The following SMOC1 variants were observed in gnomAD, a reference collection of about 807,000 sequenced individuals.
SMOC1 encodes the protein SPARC-related modular calcium-binding protein 1.
Under a neutral mutation model 56.3 loss-of-function variants are expected in SMOC1, and 22 were observed. That is an observed-to-expected ratio of 0.39 (90% CI 0.28 to 0.56). The LOEUF is 0.56. SMOC1 is among the 20% of genes least tolerant of loss of function. SMOC1 has a pLI of 0.61. For missense variants in SMOC1, 509 were observed against 565.4 expected (o/e 0.90, Z 1.01); for synonymous variants, 193 against 215.0 (o/e 0.90, Z 0.89).
At chr14:70,009,853 A>G (rs988423325) in intron 7 of SMOC1, among the ~76,000 whole-genome samples, 3 of 152,148 alleles carry the variant, frequency 2.0e-5, no homozygotes, top group Admixed American at 2.0e-4. Context: ...GAAACCCAAC[A>G]CTATTTATTT....
chr14:69,970,533 TTTG>T (rs1883722217), intron 3 of SMOC1, among the ~76,000 whole-genome samples: 1 of 152,216 alleles, frequency 6.6e-6, no homozygotes, highest in South Asian at 2.1e-4. Context: ...CTATAAAAGA[TTTG>T]CACACAGGGT....
chr14:69,999,245 C>T (rs1206060955), intron 7 of SMOC1, among the ~76,000 whole-genome samples: 1 of 152,076 alleles, frequency 6.6e-6, no homozygotes, highest in Non-Finnish European at 1.5e-5. Context: ...CTTCCTCACC[C>T]AGGAAGTTCC....
At chr14:69,921,128 T>C (rs1456109211) in intron 1 of SMOC1, among the ~76,000 whole-genome samples, 1 of 152,168 alleles carries the variant, frequency 6.6e-6, no homozygotes, top group Non-Finnish European at 1.5e-5. Flanking sequence ...GACTTCCCGC[T>C]GCAGGGCTGG....
rs1798882192 is a variant in SMOC1, at chr14:69,893,258, G to A, written c.99+13481G>A. 2.0e-5 allele frequency among the ~76,000 whole-genome samples: 3 copies of A among 152,196 alleles called. No individual in the cohort carries two copies. In the South Asian group the frequency reaches 6.2e-4, roughly 32 times the overall value. ...ATCTGTGATGTTAGCACCCATTGAT[G>A]ATCATTGCTAGACCTGTTAATTCAC... On this transcript the variant is annotated intron_variant, in intron 1 of 11. Transcript: ENST00000361956.
intron 3 of SMOC1, among the ~76,000 whole-genome samples, chr14:69,960,486 T>TA (rs1883331277): frequency 6.6e-6 from 1 of 152,106 alleles, no homozygotes; most frequent in East Asian, 1.9e-4. Flanking sequence ...CTTTTTTTTT[T>TA]AAAGCAGTCA....
At chr14:70,026,683 G>A (rs1298074265) in intron 11 of SMOC1, among the ~76,000 whole-genome samples, 1 of 152,130 alleles carries the variant, frequency 6.6e-6, no homozygotes, top group East Asian at 1.9e-4. Context: ...TCACCTCAAA[G>A]GTAGGACTAT....
chr14:69,901,762 C>T (rs1884247101), intron 1 of SMOC1, among the ~76,000 whole-genome samples: 1 of 152,226 alleles, frequency 6.6e-6, no homozygotes, highest in African/African-American at 2.4e-5. Context: ...GTGGTGCACA[C>T]ACCACCCCGC....
At chr14:69,947,936 T>C (rs1882851010) in intron 1 of SMOC1, among the ~76,000 whole-genome samples, 1 of 152,226 alleles carries the variant, frequency 6.6e-6, no homozygotes, top group African/African-American at 2.4e-5. Flanking sequence ...CTTCCTCTTA[T>C]TGCCTTTATC....
chr14:69,909,114 C>T (rs759424310), intron 1 of SMOC1, among the ~76,000 whole-genome samples: 19 of 151,948 alleles, frequency 1.3e-4, no homozygotes, highest in Non-Finnish European at 1.9e-4. Flanking sequence ...CCAACTATAC[C>T]GAAAGAACTC....
At chr14:69,969,462 A>C (rs1260971911) in intron 3 of SMOC1, among the ~76,000 whole-genome samples, 1 of 149,362 alleles carries the variant, frequency 6.7e-6, no homozygotes, top group African/African-American at 2.5e-5. Flanking sequence ...GAGCAGGAAC[A>C]GGAGAGAGGG....
At chr14:69,899,100 A>G (rs928033867) in intron 1 of SMOC1, among the ~76,000 whole-genome samples, 3 of 152,098 alleles carry the variant, frequency 2.0e-5, no homozygotes, top group African/African-American at 7.2e-5. Flanking sequence ...CCCTTCTCCC[A>G]GGTAGGTTAG....
intron 1 of SMOC1, among the ~76,000 whole-genome samples, chr14:69,886,425 T>C (rs1211194313): frequency 6.6e-6 from 1 of 152,260 alleles, no homozygotes; most frequent in Non-Finnish European, 1.5e-5. Flanking sequence ...GACTGCATAA[T>C]GATGTCCAAC....
chr14:69,928,753 G>A (rs1039894837), intron 1 of SMOC1, among the ~76,000 whole-genome samples: 2 of 152,150 alleles, frequency 1.3e-5, no homozygotes, highest in African/African-American at 2.4e-5. Context: ...CCTAATTAAT[G>A]TACCCATCTG....
chr14:69,986,922 G>A (rs2139528509), intron 5 of SMOC1, among the ~76,000 whole-genome samples: 1 of 152,298 alleles, frequency 6.6e-6, no homozygotes, highest in Middle Eastern at 3.4e-3. Flanking sequence ...TCAGAATCAG[G>A]ACAGTTCACC....
At position 69,978,213 on chromosome 14, in the gene SMOC1, C is replaced by T. The variant is rs889799804; in HGVS notation, c.526+248C>T. On this transcript the variant is annotated intron_variant, in intron 5 of 11. Transcript: ENST00000361956. The stretch of plus-strand genomic sequence containing the variant: ...TATAGAGCCCAGAGCTGGGAAGCAC[C>T]TTTAGAATGTGAGCCCTAGGAATAT... The T allele has an allele frequency of 7.3e-6, 4 of 549,904 alleles. No individual in the cohort carries two copies. The African/African-American group carries it at 7.6e-5, about 10-fold the overall frequency. 34.1% of individuals were successfully genotyped at this position (549,904 alleles called of 1,614,324 possible).
intron 1 of SMOC1, among the ~76,000 whole-genome samples, chr14:69,901,756 T>G (rs985472809): frequency 6.6e-6 from 1 of 152,236 alleles, no homozygotes; most frequent in Admixed American, 6.5e-5. Flanking sequence ...TGTTCAGTGG[T>G]GCACACACCA....
intron 9 of SMOC1, among the ~76,000 whole-genome samples, chr14:70,011,991 A>G (rs1566710545): frequency 6.6e-6 from 1 of 152,242 alleles, no homozygotes; most frequent in Non-Finnish European, 1.5e-5. Flanking sequence ...CAGGACGACC[A>G]TGGAGTGTGA....
At chr14:70,010,637 C>T (rs1034248761) in intron 7 of SMOC1, 117 bp from the exon 8 acceptor site, 17 of 1,048,258 alleles carry the variant, frequency 1.6e-5, no homozygotes, top group Admixed American at 7.3e-5. Flanking sequence ...TGGGGCAGCT[C>T]ATCAGTTCCT....
intron 3 of SMOC1, among the ~76,000 whole-genome samples, chr14:69,970,711 C>T (rs1203195723): frequency 1.3e-5 from 2 of 152,148 alleles, no homozygotes; most frequent in Non-Finnish European, 2.9e-5. Context: ...TTGCTTTCTT[C>T]CCCTTTGCTC....
Sources: gnomAD v4.1 joint callset for allele counts (sites outside exome capture counted in the v4.1 genomes callset) on GRCh38, gnomAD v4.1.1 for gene constraint, MANE v1.5 for transcripts, NCBI Gene and HGNC (gene_info 2026-07-23, HGNC 2026-07-21) for gene names.